ADAMTS10: variants seen among roughly 807,000 people sequenced by gnomAD.
The protein encoded by ADAMTS10 is A disintegrin and metalloproteinase with thrombospondin motifs 10.
ADAMTS10 carries 48 observed loss-of-function variants against 135.9 expected under a neutral mutation model. The observed-to-expected ratio is 0.35, with a 90% CI of 0.28 to 0.45. The LOEUF is 0.45. Among genes scored for constraint, ADAMTS10 ranks in the 20% least tolerant of loss-of-function variants. ADAMTS10 has a pLI of 1.00. For missense variants in ADAMTS10, 1,131 were observed against 1,565.2 expected, an observed-to-expected ratio of 0.72 and a Z score of 4.68; for synonymous variants, 621 against 647.5, an observed-to-expected ratio of 0.96 and a Z score of 0.62.
intron 12 of ADAMTS10, chr19:8,595,473 G>T (rs551873611): frequency 2.6e-5 from 12 of 458,682 alleles, no homozygotes; most frequent in Admixed American, 3.4e-5. Flanking sequence ...TAGCCCACAG[G>T]GGGTGTGATG....
At chr19:8,597,657 T>C (rs1370030902) in intron 6 of ADAMTS10, among the ~76,000 whole-genome samples, 1 of 151,970 alleles carries the variant, frequency 6.6e-6, no homozygotes, top group Non-Finnish European at 1.5e-5. Flanking sequence ...TTGTTGTTTT[T>C]TGAGATGGAG....
intron 19 of ADAMTS10, 33 bp from the exon 20 acceptor site, chr19:8,586,754 C>A (rs371641614): frequency 6.2e-7 from 1 of 1,613,946 alleles, no homozygotes; most frequent in South Asian, 1.1e-5. Flanking sequence ...GAATTCTAGT[C>A]ATGCTGAAAC....
At chr19:8,600,872 T>C in intron 6 of ADAMTS10, 56 bp downstream of exon 6, 1 of 1,602,856 alleles carries the variant, frequency 6.2e-7, no homozygotes, top group Middle Eastern at 1.7e-4. Flanking sequence ...TGCCTAACAC[T>C]GCAGGCTGGC....
chr19:8,595,506 C>A (rs1043618131), intron 12 of ADAMTS10: 11 of 526,720 alleles, frequency 2.1e-5, no homozygotes, highest in African/African-American at 1.9e-5. Context: ...GCTGGCCCCC[C>A]AGCCCAGCCC....
chr19:8,605,580 A>G lies in ADAMTS10; in HGVS notation c.88+43T>C. 7 of 1,589,434 alleles carry G rather than the reference A, an allele frequency of 4.4e-6. No homozygotes were observed. The highest frequency in any genetic ancestry group is 1.8e-5 in the Admixed American group (1 of 56,818). ...TGTTGGAGCCCAACTGGTCTCTTAC[A>G]TTTTTCGCTCCCTCCCCACCGCCAC... is the stretch of plus-strand genomic sequence containing the variant. On this transcript the variant is annotated intron_variant, in intron 3 of 25. Transcript: ENST00000597188. This position sits in a 1 kb window ranked among gnomAD's most constrained non-coding sequence, Gnocchi z 7.7.
chr19:8,601,328 A>G lies in ADAMTS10; in HGVS notation c.593-183T>C, dbSNP rs546817162. ...ACCTGTGTGATGGTCTGTCTGCCCAATGGGCTGCCAAACACCTCATCGTTT... is the reference window on the plus strand; with the variant it reads ...ACCTGTGTGATGGTCTGTCTGCCCAGTGGGCTGCCAAACACCTCATCGTTT... On this transcript the variant is annotated intron_variant, in intron 5 of 25. Transcript: ENST00000597188. This position sits in a 1 kb window ranked among gnomAD's most constrained non-coding sequence, Gnocchi z 4.6. 2.4e-3 allele frequency among the ~76,000 whole-genome samples: 364 copies of G among 150,700 alleles called. No individual in the cohort carries two copies. Among genetic ancestry groups the G allele is most frequent in the Non-Finnish European group, 4.1e-3 (281 of 67,822 alleles).
At chr19:8,598,863 C>CCATGCTCTGCTAATTTTTAAA (rs2042633997) in intron 6 of ADAMTS10, among the ~76,000 whole-genome samples, 4 of 152,092 alleles carry the variant, frequency 2.6e-5, no homozygotes, top group African/African-American at 9.7e-5. Flanking sequence ...GCGTGAGCCA[C>CCATGCTCTGCTAATTTTTAAA]TGCACCGGGC....
chr19:8,606,366 C>T (rs979060932), intron 2 of ADAMTS10, among the ~76,000 whole-genome samples: 20 of 152,034 alleles, frequency 1.3e-4, no homozygotes, highest in East Asian at 1.9e-4. Context: ...CCCAGCCCAC[C>T]GTATTTCATT....
In ADAMTS10 at chr19:8,596,398, C is replaced by T; in HGVS notation, c.1099G>A (p.Gly367Ser). ...CTTCTCTCGCGCTCACACATTCCGCCCACCGGGGCCAGGCCTGGGAAGACG... is the reference window on the plus strand; with the variant it reads ...CTTCTCTCGCGCTCACACATTCCGCTCACCGGGGCCAGGCCTGGGAAGACG... ...PCGTLGLAPV[G>S]GMCERERSCS... Residue 367 changes from glycine (G) to serine (S), a missense_variant, in exon 10 of 26, where the codon GGC (glycine) becomes AGC (serine). Physicochemically the swap from Gly to Ser is moderately conservative, Grantham distance 56. Around this residue, in one of 3 missense-constraint regions of ADAMTS10, gnomAD observed 745 missense variants for 1,056.3 expected, o/e 0.71. Coordinates refer to ENST00000597188, the MANE Select transcript of ADAMTS10 (RefSeq NM_030957.4). This position sits in a 1 kb window ranked among gnomAD's most constrained non-coding sequence, Gnocchi z 7.2. 1 of 1,613,520 alleles carries T rather than the reference C, an allele frequency of 6.2e-7. No individual in the cohort carries two copies. The highest frequency in any genetic ancestry group is 8.5e-7 in the Non-Finnish European group (1 of 1,179,868).
intron 25 of ADAMTS10, 120 bp from the exon 26 acceptor site, chr19:8,581,122 TA>T: frequency 2.1e-6 from 1 of 474,038 alleles, no homozygotes; most frequent in Non-Finnish European, 3.6e-6. Context: ...TCTTTCTTTT[TA>T]AATTTACTTT....
rs2042738637 is a variant in ADAMTS10, at chr19:8,607,909, CAAG to C, written c.-100+222_-100+224del. Among the ~76,000 whole-genome samples the C allele has an allele frequency of 0.028, 125 of 4,472 alleles. 1 individual carries two copies. In the Non-Finnish European group the frequency reaches 0.42, roughly 15 times the overall value. The allele number at this position is 4,472 out of a possible 152,430, so 2.9% of individuals were successfully genotyped here. On this transcript the variant is annotated intron_variant, in intron 2 of 25. Transcript: ENST00000597188. The stretch of plus-strand genomic sequence containing the variant: ...CACTGCAACCTCTGTCTCTCGGGTT[CAAG>C]CGATTCTCCTGCTTCAGCCTCCCGA...
chr19:8,596,284 C>T lies in ADAMTS10; in HGVS notation c.1190+23G>A, dbSNP rs191118189. 4.5e-5 allele frequency: 72 copies of T among 1,612,970 alleles called. No individual in the cohort carries two copies. The East Asian group carries it at 1.5e-3, about 33-fold the overall frequency. On this transcript the variant is annotated intron_variant, in intron 10 of 25. Coordinates refer to ENST00000597188, the MANE Select transcript of ADAMTS10 (RefSeq NM_030957.4). This position sits in a 1 kb window ranked among gnomAD's most constrained non-coding sequence, Gnocchi z 7.2. The stretch of plus-strand genomic sequence containing the variant: ...CCCGCCCAGCTCCTCCCCTCCTCCC[C>T]CTCTTGTGTGCCCTGGCCTCACGTG...
chr19:8,586,970 A>G lies in ADAMTS10; in HGVS notation c.2159-74T>C, dbSNP rs2042441672. On this transcript the variant is annotated intron_variant, in intron 18 of 25. Coordinates refer to ENST00000597188, the MANE Select transcript of ADAMTS10 (RefSeq NM_030957.4). ...TGCCTGCCTCCCCTGTCCCCGGCCCATGAGGATAACAGCTAACTATTACTG... is the reference window on the plus strand; with the variant it reads ...TGCCTGCCTCCCCTGTCCCCGGCCCGTGAGGATAACAGCTAACTATTACTG... 4.0e-6 allele frequency: 6 copies of G among 1,492,990 alleles called. No homozygotes were observed. In the South Asian group the frequency reaches 6.8e-5, roughly 17 times the overall value. The allele number at this position is 1,492,990 out of a possible 1,614,324, so 92.5% of individuals were successfully genotyped here. A position where few individuals can be genotyped will look rare whatever the true frequency, so the allele number is the denominator to read the frequency against.
At chr19:8,588,121 G>A (rs2042464436) in intron 18 of ADAMTS10, among the ~76,000 whole-genome samples, 1 of 151,852 alleles carries the variant, frequency 6.6e-6, no homozygotes, top group African/African-American at 2.4e-5. Context: ...TGTAGTGCAT[G>A]TCTGTAGTCT....
chr19:8,587,593 C>G (rs534625075), intron 18 of ADAMTS10, among the ~76,000 whole-genome samples: 1 of 151,272 alleles, frequency 6.6e-6, no homozygotes, highest in Non-Finnish European at 1.5e-5. Flanking sequence ...CTCAGCCTCT[C>G]GAGCAGCTGG....
At chr19:8,595,542 G>C in intron 12 of ADAMTS10, 1 of 661,930 alleles carries the variant, frequency 1.5e-6, no homozygotes, top group Non-Finnish European at 2.6e-6. Context: ...GGAGAAGCAG[G>C]TGATCCCATT....
rs1193838084 is a variant in ADAMTS10 at position 8,605,794 on chromosome 19, C to T, written c.-84G>A. 3 of 1,529,676 alleles carry T rather than the reference C, an allele frequency of 2.0e-6. No homozygotes were observed. The South Asian group carries it at 3.6e-5, about 18-fold the overall frequency. 94.8% of individuals were successfully genotyped at this position (1,529,676 alleles called of 1,614,324 possible). A position where few individuals can be genotyped will look rare whatever the true frequency, so the allele number is the denominator to read the frequency against. On this transcript the variant is annotated 5_prime_UTR_variant, in exon 3 of 26. Transcript: ENST00000597188. This position sits in a 1 kb window ranked among gnomAD's most constrained non-coding sequence, Gnocchi z 7.7. ...CCGCCTCCCCTGTTCACAGCCTTCG[C>T]AGCATCACCGGGCTCCTGGGAGGGG...
chr19:8,581,034 G>C, intron 25 of ADAMTS10, 32 bp from the exon 26 acceptor site: 1 of 1,534,384 alleles, frequency 6.5e-7, no homozygotes, highest in African/African-American at 1.4e-5. Context: ...GGAAAAATCA[G>C]GTCTCAGCTG....
At chr19:8,585,727 A>G (rs1233011925) in intron 22 of ADAMTS10, 67 bp from the exon 23 acceptor site, 1 of 1,465,530 alleles carries the variant, frequency 6.8e-7, no homozygotes, top group Non-Finnish European at 9.4e-7. Flanking sequence ...AGCAGGGGGC[A>G]CTATAGCCTA....
Sources: allele counts gnomAD v4.1 joint callset (sites outside exome capture counted in the v4.1 genomes callset), GRCh38; gene constraint gnomAD v4.1.1; regional missense constraint gnomAD v4.1.1; non-coding constraint Gnocchi (gnomAD v3.1); transcripts MANE v1.5; gene names NCBI Gene and HGNC (gene_info 2026-07-23, HGNC 2026-07-21).